The following OR8B12 variants were observed in gnomAD, a reference collection of about 807,000 sequenced individuals.
OR8B12 encodes olfactory receptor family 8 subfamily B member 12, also known as olfactory receptor 8B12.
For missense variants in OR8B12, 383 were observed against 376.4 expected, an observed-to-expected ratio of 1.02 and a Z score of -0.14; for synonymous variants, 152 against 148.8, an observed-to-expected ratio of 1.02 and a Z score of -0.16.
chr11:124,543,289 G>A lies in OR8B12; in HGVS notation c.366C>T (p.Tyr122=), dbSNP rs144140623. 86 of 1,613,886 alleles carry A rather than the reference G, an allele frequency of 5.3e-5. No homozygotes were observed. Among genetic ancestry groups the A allele is most frequent in the African/African-American group, 4.1e-4 (31 of 74,918 alleles). ...FILSAMAYDR[Y]VAICNPLLYT... is the part of the protein sequence containing the mutation. ...ACAACAGTGGGTTACAGATGGCCACGTAGCGGTCATACGCCATCGCTGACA... is the reference window on the plus strand; with the variant it reads ...ACAACAGTGGGTTACAGATGGCCACATAGCGGTCATACGCCATCGCTGACA... Residue 122 remains tyrosine (Y), a synonymous_variant, in exon 1 of 1, where the codon TAC becomes TAT. Transcript: ENST00000306842.
rs778829590 is a variant in OR8B12, at chr11:124,543,020, G to A, written c.635C>T (p.Thr212Ile). ...GATGAGGGCATAAGAAATAAAGACA[G>A]TGACAATGGGCATTCCAACGTCAAC... ...VAVDVGMPIV[T>I]VFISYALILS... The change falls in exon 1 of 1, where the codon ACT (threonine) becomes ATT (isoleucine). Residue 212 changes from threonine (T) to isoleucine (I), a missense_variant. Thr to Ile is a moderately conservative substitution (Grantham distance 89, BLOSUM62 -1). Transcript: ENST00000306842. 6 of 1,613,788 alleles carry A rather than the reference G, an allele frequency of 3.7e-6. No homozygotes were observed. The African/African-American group carries it at 8.0e-5, about 22-fold the overall frequency.
chr11:124,542,945 A>C lies in OR8B12; in HGVS notation c.710T>G (p.Phe237Cys), dbSNP rs1228090904. The change falls in exon 1 of 1, where the codon TTT (phenylalanine) becomes TGT (cysteine). Residue 237 changes from phenylalanine (F) to cysteine (C), a missense_variant. By Grantham distance (205) the Phe-to-Cys change is radical. Transcript: ENST00000306842. The part of the protein sequence containing the change: ...NSSTEGRSKA[F>C]STCSSHIIVV... ...AATTATGTGGGAACTGCAAGTACTA[A>C]AGGCTTTGGACCTGCCTTCTGTAGA... 6.2e-7 allele frequency: 1 copy of C among 1,613,800 alleles called. No homozygotes were observed. Among genetic ancestry groups the C allele is most frequent in the East Asian group, 2.2e-5 (1 of 44,848 alleles).
At position 124,543,349 on chromosome 11, in the gene OR8B12, G is replaced by C. The variant is rs1467172353; in HGVS notation, c.306C>G (p.Phe102Leu). The C allele has an allele frequency of 1.9e-6, 3 of 1,613,976 alleles. No homozygotes were observed. The highest frequency in any genetic ancestry group is 2.5e-6 in the Non-Finnish European group (3 of 1,180,002). Residue 102 changes from phenylalanine to leucine, a missense_variant, in exon 1 of 1, where the codon TTC becomes TTG. Phe to Leu is a conservative substitution (Grantham distance 22). Coordinates refer to ENST00000306842, the MANE Select transcript of OR8B12 (RefSeq NM_001005195.1). ...ACTCAGAGACGACAAAGAAGCAGAAGAAGAAGAGCTGAGTCATACACCCTG... is the reference window on the plus strand; with the variant it reads ...ACTCAGAGACGACAAAGAAGCAGAACAAGAAGAGCTGAGTCATACACCCTG... Reference protein sequence around the residue: ...SFTGCMTQLFFFCFFVVSESF... With the variant: ...SFTGCMTQLFLFCFFVVSESF...
In OR8B12 at chr11:124,543,368, C is replaced by T. The variant is rs1811770761; in HGVS notation, c.287G>A (p.Cys96Tyr). 6.2e-7 allele frequency: 1 copy of T among 1,614,024 alleles called. No homozygotes were observed. Among genetic ancestry groups the T allele is most frequent in the South Asian group, 1.1e-5 (1 of 91,088 alleles). ...GCAGAAGAAGAAGAGCTGAGTCATA[C>T]ACCCTGTGAAGGAAATGATGTTCTT... ...SRKNIISFTG[C>Y]MTQLFFFCFF... Residue 96 changes from cysteine (C) to tyrosine (Y), a missense_variant, in exon 1 of 1, where the codon TGT becomes TAT. Coordinates refer to ENST00000306842, the MANE Select transcript of OR8B12 (RefSeq NM_001005195.1).
In OR8B12 at chr11:124,542,854, G is replaced by A. The variant is rs758884538; in HGVS notation, c.801C>T (p.Leu267=). 20 of 1,613,844 alleles carry A rather than the reference G, an allele frequency of 1.2e-5. No individual in the cohort carries two copies. Among genetic ancestry groups the A allele is most frequent in the African/African-American group, 9.3e-5 (7 of 74,912 alleles). ...ACAGGGAGGACACTTTCCCTTGCTC[G>A]AGGGGCAGGATGGAAAGGGGTTTGA... The part of the protein sequence containing the change: ...MYLKPLSILP[L]EQGKVSSLFY... The change falls in exon 1 of 1, where the codon CTC becomes CTT. Residue 267 remains leucine (L), a synonymous_variant. Coordinates refer to ENST00000306842, the MANE Select transcript of OR8B12 (RefSeq NM_001005195.1).
At position 124,543,261 on chromosome 11, in the gene OR8B12, T is replaced by G. The variant is rs749397786; in HGVS notation, c.394A>C (p.Thr132Pro). ...YVAICNPLLY[T>P]VTMSCQVCLL... ...CACACCTGGCAAGACATGGTGACTG[T>G]GTACAACAGTGGGTTACAGATGGCC... The change falls in exon 1 of 1, where the codon ACA becomes CCA. Residue 132 changes from threonine to proline, a missense_variant. Coordinates refer to ENST00000306842, the MANE Select transcript of OR8B12 (RefSeq NM_001005195.1). 7 of 1,614,042 alleles carry G rather than the reference T, an allele frequency of 4.3e-6. No individual in the cohort carries two copies. Among genetic ancestry groups the G allele is most frequent in the Non-Finnish European group, 5.9e-6 (7 of 1,180,000 alleles).
At position 124,543,393 on chromosome 11, in the gene OR8B12, TC is replaced by T; in HGVS notation, c.261del (p.Lys88ArgfsTer10). 1 of 1,614,134 alleles carries T rather than the reference TC, an allele frequency of 6.2e-7. No homozygotes were observed. The highest frequency in any genetic ancestry group is 8.5e-7 in the Non-Finnish European group (1 of 1,179,998). On this transcript the variant is annotated frameshift_variant, in exon 1 of 1. Transcript: ENST00000306842. LOFTEE classifies it low-confidence loss of function (END_TRUNC). ...TPKMLMSFVS[R>X]KNIISFTGCM... ...CACCCTGTGAAGGAAATGATGTTCTTCCTTGAGACAAAACTCATCAGCATTT... is the reference window on the plus strand; with the variant it reads ...CACCCTGTGAAGGAAATGATGTTCTTCTTGAGACAAAACTCATCAGCATTT...
In OR8B12 at chr11:124,542,954, G is replaced by A; in HGVS notation, c.701C>T (p.Ser234Phe). The A allele has an allele frequency of 6.2e-7, 1 of 1,613,710 alleles. No individual in the cohort carries two copies. Among genetic ancestry groups the A allele is most frequent in the Non-Finnish European group, 8.5e-7 (1 of 1,179,844 alleles). ...ILHNSSTEGR[S>F]KAFSTCSSHI... ...GGAACTGCAAGTACTAAAGGCTTTG[G>A]ACCTGCCTTCTGTAGAACTGTTGTG... is the stretch of plus-strand genomic sequence containing the variant. Residue 234 changes from serine (S) to phenylalanine (F), a missense_variant, in exon 1 of 1, where the codon TCC becomes TTC. Coordinates refer to ENST00000306842, the MANE Select transcript of OR8B12 (RefSeq NM_001005195.1).
At position 124,543,218 on chromosome 11, in the gene OR8B12, C is replaced by T; in HGVS notation, c.437G>A (p.Gly146Asp). 1 of 1,614,016 alleles carries T rather than the reference C, an allele frequency of 6.2e-7. No individual in the cohort carries two copies. ...CCCAGCAAACCCCATCCCATAGGCA[C>T]CCAACAAAAGGAGCAAACACACCTG... is the stretch of plus-strand genomic sequence containing the variant. Reference protein sequence around the residue: ...SCQVCLLLLLGAYGMGFAGAM... With the variant: ...SCQVCLLLLLDAYGMGFAGAM... The change falls in exon 1 of 1, where the codon GGT becomes GAT. Residue 146 changes from glycine to aspartate, a missense_variant. Physicochemically the swap from Gly to Asp is moderately conservative, Grantham distance 94. Transcript: ENST00000306842.
chr11:124,543,253 G>C lies in OR8B12; in HGVS notation c.402C>G (p.Thr134=), dbSNP rs751439733. The part of the protein sequence containing the change: ...AICNPLLYTV[T]MSCQVCLLLL... Reference sequence around the variant, plus strand: ...GGAGCAAACACACCTGGCAAGACATGGTGACTGTGTACAACAGTGGGTTAC... The same window carrying C: ...GGAGCAAACACACCTGGCAAGACATCGTGACTGTGTACAACAGTGGGTTAC... The change falls in exon 1 of 1, where the codon ACC becomes ACG. Residue 134 remains threonine, a synonymous_variant. Transcript: ENST00000306842. 1.2e-6 allele frequency: 2 copies of C among 1,613,970 alleles called. No homozygotes were observed. The highest frequency in any genetic ancestry group is 3.3e-5 in the Admixed American group (2 of 59,994).
chr11:124,543,316 G>A lies in OR8B12; in HGVS notation c.339C>T (p.Ile113=). 2 of 1,614,048 alleles carry A rather than the reference G, an allele frequency of 1.2e-6. No individual in the cohort carries two copies. The highest frequency in any genetic ancestry group is 1.7e-6 in the Non-Finnish European group (2 of 1,179,952). The change falls in exon 1 of 1, where the codon ATC becomes ATT. Residue 113 remains isoleucine (I), a synonymous_variant. Coordinates refer to ENST00000306842, the MANE Select transcript of OR8B12 (RefSeq NM_001005195.1). Reference sequence around the variant, plus strand: ...AGCGGTCATACGCCATCGCTGACAGGATGAAGGACTCAGAGACGACAAAGA... The same window carrying A: ...AGCGGTCATACGCCATCGCTGACAGAATGAAGGACTCAGAGACGACAAAGA... The part of the protein sequence containing the change: ...FCFFVVSESF[I]LSAMAYDRYV...
In OR8B12 at chr11:124,543,293, C is replaced by T. The variant is rs369152224; in HGVS notation, c.362G>A (p.Arg121His). The change falls in exon 1 of 1, where the codon CGC (arginine) becomes CAC (histidine). Residue 121 changes from arginine to histidine, a missense_variant. Coordinates refer to ENST00000306842, the MANE Select transcript of OR8B12 (RefSeq NM_001005195.1). The stretch of plus-strand genomic sequence containing the variant: ...CAGTGGGTTACAGATGGCCACGTAG[C>T]GGTCATACGCCATCGCTGACAGGAT... Reference protein sequence around the residue: ...SFILSAMAYDRYVAICNPLLY... With the variant: ...SFILSAMAYDHYVAICNPLLY... 2.7e-5 allele frequency: 44 copies of T among 1,613,896 alleles called. 1 individual carries two copies. The African/African-American group carries it at 3.2e-4, about 12-fold the overall frequency.
Position 124,543,027 on chromosome 11 carries a change from T to C in OR8B12, c.628A>G (p.Ile210Val), listed in dbSNP as rs1394941621. 9 of 1,613,918 alleles carry C rather than the reference T, an allele frequency of 5.6e-6. No homozygotes were observed. Among genetic ancestry groups the C allele is most frequent in the Non-Finnish European group, 7.6e-6 (9 of 1,179,974 alleles). Residue 210 changes from isoleucine to valine, a missense_variant, in exon 1 of 1, where the codon ATT becomes GTT. Ile to Val is a conservative substitution (Grantham distance 29). Coordinates refer to ENST00000306842, the MANE Select transcript of OR8B12 (RefSeq NM_001005195.1). Reference sequence around the variant, plus strand: ...GCATAAGAAATAAAGACAGTGACAATGGGCATTCCAACGTCAACAGCCACC... The same window carrying C: ...GCATAAGAAATAAAGACAGTGACAACGGGCATTCCAACGTCAACAGCCACC... ...IVVAVDVGMP[I>V]VTVFISYALI...
In OR8B12 at chr11:124,543,278, C is replaced by G; in HGVS notation, c.377G>C (p.Cys126Ser). The change falls in exon 1 of 1, where the codon TGT becomes TCT. Residue 126 changes from cysteine (C) to serine (S), a missense_variant. By Grantham distance (112) the Cys-to-Ser change is moderately radical. Transcript: ENST00000306842. ...GGTGACTGTGTACAACAGTGGGTTA[C>G]AGATGGCCACGTAGCGGTCATACGC... is the stretch of plus-strand genomic sequence containing the variant. ...AMAYDRYVAICNPLLYTVTMS... is the reference protein window; with the variant it reads ...AMAYDRYVAISNPLLYTVTMS... The G allele has an allele frequency of 6.2e-7, 1 of 1,614,058 alleles. No homozygotes were observed. Among genetic ancestry groups the G allele is most frequent in the South Asian group, 1.1e-5 (1 of 91,070 alleles).
At position 124,543,474 on chromosome 11, in the gene OR8B12, A is replaced by G; in HGVS notation, c.181T>C (p.Phe61Leu). ...TCTATTAAAGAGAGGTTAAAAAGGA[A>G]GAAGTACATGGGAGTGTGCAGGTGA... The part of the protein sequence containing the change: ...NSHLHTPMYF[F>L]LFNLSLIDFC... Residue 61 changes from phenylalanine to leucine, a missense_variant, in exon 1 of 1, where the codon TTC (phenylalanine) becomes CTC (leucine). Physicochemically the swap from Phe to Leu is conservative, Grantham distance 22. Coordinates refer to ENST00000306842, the MANE Select transcript of OR8B12 (RefSeq NM_001005195.1). The G allele has an allele frequency of 6.2e-7, 1 of 1,614,072 alleles. No homozygotes were observed. Among genetic ancestry groups the G allele is most frequent in the Non-Finnish European group, 8.5e-7 (1 of 1,179,976 alleles).
At position 124,543,434 on chromosome 11, in the gene OR8B12, G is replaced by C. The variant is rs750546834; in HGVS notation, c.221C>G (p.Thr74Ser). The change falls in exon 1 of 1, where the codon ACT becomes AGT. Residue 74 changes from threonine to serine, a missense_variant. Physicochemically the swap from Thr to Ser is moderately conservative, Grantham distance 58. Coordinates refer to ENST00000306842, the MANE Select transcript of OR8B12 (RefSeq NM_001005195.1). ...CATCAGCATTTTGGGAGTGATGGTA[G>C]TGGAGAAACAGAAATCTATTAAAGA... ...NLSLIDFCFS[T>S]TITPKMLMSF... 28 of 1,613,900 alleles carry C rather than the reference G, an allele frequency of 1.7e-5. No homozygotes were observed. Among genetic ancestry groups the C allele is most frequent in the Non-Finnish European group, 2.3e-5 (27 of 1,179,904 alleles).
rs368912051 is a variant in OR8B12, at chr11:124,543,588, G to A, written c.67C>T (p.Arg23Trp). ...LEGLTHQPGL[R>W]IPLFFLFLGF... ...AGAAACAGGAAGAAGAGGGGGATCC[G>A]CAGTCCCGGCTGGTGGGTTAAGCCT... is the stretch of plus-strand genomic sequence containing the variant. Residue 23 changes from arginine (R) to tryptophan (W), a missense_variant, in exon 1 of 1, where the codon CGG becomes TGG. Physicochemically the swap from Arg to Trp is moderately radical, Grantham distance 101. Coordinates refer to ENST00000306842, the MANE Select transcript of OR8B12 (RefSeq NM_001005195.1). 4.2e-5 allele frequency: 67 copies of A among 1,613,844 alleles called. 1 individual carries two copies. Among genetic ancestry groups the A allele is most frequent in the Non-Finnish European group, 5.1e-5 (60 of 1,179,904 alleles).
At position 124,542,851 on chromosome 11, in the gene OR8B12, C is replaced by T. The variant is rs61745404; in HGVS notation, c.804G>A (p.Glu268=). Residue 268 remains glutamate (E), a synonymous_variant, in exon 1 of 1, where the codon GAG becomes GAA. Transcript: ENST00000306842. ...YLKPLSILPL[E]QGKVSSLFYT... Reference sequence around the variant, plus strand: ...AGAACAGGGAGGACACTTTCCCTTGCTCGAGGGGCAGGATGGAAAGGGGTT... The same window carrying T: ...AGAACAGGGAGGACACTTTCCCTTGTTCGAGGGGCAGGATGGAAAGGGGTT... 77 of 1,613,912 alleles carry T rather than the reference C, an allele frequency of 4.8e-5. No individual in the cohort carries two copies. In the African/African-American group the frequency reaches 8.5e-4, roughly 18 times the overall value.
In OR8B12 at chr11:124,543,190, G is replaced by A; in HGVS notation, c.465C>T (p.Ala155=). The change falls in exon 1 of 1, where the codon GCC becomes GCT. Residue 155 remains alanine (A), a synonymous_variant. Transcript: ENST00000306842. ...LGAYGMGFAG[A]MAHTGSIMNL... ...TCATTATGCTTCCTGTGTGGGCCATGGCCCCAGCAAACCCCATCCCATAGG... is the reference window on the plus strand; with the variant it reads ...TCATTATGCTTCCTGTGTGGGCCATAGCCCCAGCAAACCCCATCCCATAGG... 1.2e-6 allele frequency: 2 copies of A among 1,614,054 alleles called. No individual in the cohort carries two copies. The highest frequency in any genetic ancestry group is 1.7e-6 in the Non-Finnish European group (2 of 1,179,996).
Sources: gnomAD v4.1 joint callset for allele counts on GRCh38, gnomAD v4.1.1 for gene constraint, MANE v1.5 for transcripts, NCBI Gene and HGNC (gene_info 2026-07-23, HGNC 2026-07-21) for gene names.